Variants in SFMBT2 observed in about 807,000 individuals in gnomAD.
SFMBT2 encodes the protein Scm like with four mbt domains 2, also known as scm-like with four MBT domains protein 2.
Under a neutral mutation model 110.1 loss-of-function variants are expected in SFMBT2, and 38 were observed. That is an observed-to-expected ratio of 0.35 (90% CI 0.27 to 0.45). SFMBT2 has a LOEUF of 0.45. Ranked by LOEUF, SFMBT2 falls within the 20% of genes least tolerant of loss-of-function variation. The pLI is 1.00. For missense variants in SFMBT2, 1,011 were observed against 1,094.9 expected (o/e 0.92, Z 1.08); for synonymous variants, 425 against 425.4 (o/e 1.00, Z 0.01).
chr10:7,313,960 T>C (rs886425000), intron 4 of SFMBT2, among the ~76,000 whole-genome samples: 2 of 152,216 alleles, frequency 1.3e-5, no homozygotes, highest in African/African-American at 4.8e-5. Context: ...GAAGTGAGTT[T>C]GAAGGGGGGA....
At chr10:7,287,490 G>C (rs1487327873) in intron 4 of SFMBT2, 2 of 235,708 alleles carry the variant, frequency 8.5e-6, no homozygotes, top group Non-Finnish European at 1.4e-5. Flanking sequence ...CCAAGCTACA[G>C]ATCTTCAAAG....
Position 7,367,414 on chromosome 10 carries a change from T to G in SFMBT2, c.436+235A>C, listed in dbSNP as rs1295701359. 3.9e-5 allele frequency among the ~76,000 whole-genome samples: 6 copies of G among 152,120 alleles called. No individual in the cohort carries two copies. Among genetic ancestry groups the G allele is most frequent in the Non-Finnish European group, 5.9e-5 (4 of 68,028 alleles). ...AAAGGAATTTAAGGATTAGGCATACTTTCAGTTCCGAAAAGCCAAGTTTGG... is the reference window on the plus strand; with the variant it reads ...AAAGGAATTTAAGGATTAGGCATACGTTCAGTTCCGAAAAGCCAAGTTTGG... On this transcript the variant is annotated intron_variant, in intron 4 of 20. Transcript: ENST00000397167. This position sits in a 1 kb window ranked among gnomAD's most constrained non-coding sequence, Gnocchi z 6.2.
At chr10:7,233,482 AT>A (rs1840169168) in intron 9 of SFMBT2, among the ~76,000 whole-genome samples, 1 of 152,204 alleles carries the variant, frequency 6.6e-6, no homozygotes. Flanking sequence ...TGTTTACTCT[AT>A]TAAATGTTAG....
At chr10:7,249,143 A>T in intron 7 of SFMBT2, 1 of 832,574 alleles carries the variant, frequency 1.2e-6, no homozygotes, top group Non-Finnish European at 1.4e-6. Context: ...CACCGGCACG[A>T]GTAAGGGTAG....
intron 4 of SFMBT2, among the ~76,000 whole-genome samples, chr10:7,303,798 T>A (rs1171108495): frequency 6.6e-6 from 1 of 152,224 alleles, no homozygotes; most frequent in Non-Finnish European, 1.5e-5. Flanking sequence ...CATTTTAGAA[T>A]GATTTTGTAA....
intron 4 of SFMBT2, among the ~76,000 whole-genome samples, chr10:7,358,147 T>A (rs989683102): frequency 6.7e-6 from 1 of 148,644 alleles, no homozygotes; most frequent in Non-Finnish European, 1.5e-5. Flanking sequence ...GACATCAACA[T>A]GGCCCTGGAA....
At chr10:7,273,552 C>T (rs959352864) in intron 7 of SFMBT2, among the ~76,000 whole-genome samples, 18 of 152,180 alleles carry the variant, frequency 1.2e-4, no homozygotes, top group African/African-American at 1.2e-4. Flanking sequence ...TATACATGTG[C>T]CATGTTGGTG....
At chr10:7,386,661 T>C (rs1475620715) in intron 1 of SFMBT2, among the ~76,000 whole-genome samples, 2 of 152,172 alleles carry the variant, frequency 1.3e-5, no homozygotes, top group Admixed American at 6.5e-5. Context: ...TTAAAATGAA[T>C]GGACTTCTCA....
chr10:7,299,041 T>C (rs998359082), intron 4 of SFMBT2, among the ~76,000 whole-genome samples: 1 of 152,130 alleles, frequency 6.6e-6, no homozygotes, highest in Non-Finnish European at 1.5e-5. Context: ...CGAAACCCCA[T>C]CTCTACTACA....
rs1837520291 is a variant in SFMBT2, at chr10:7,160,404, A to C, written c.*3366T>G. On this transcript the variant is annotated 3_prime_UTR_variant, in exon 21 of 21. Transcript: ENST00000397167. Reference sequence around the variant, plus strand: ...ACTGAGCGATGGGCTGTCATGATTCAAGTTGAGGTGGCATCTCTTTCTCAG... The same window carrying C: ...ACTGAGCGATGGGCTGTCATGATTCCAGTTGAGGTGGCATCTCTTTCTCAG... 6.6e-6 allele frequency: 1 copy of C among 152,224 alleles called. No individual in the cohort carries two copies. Among genetic ancestry groups the C allele is most frequent in the East Asian group, 1.9e-4 (1 of 5,188 alleles). 9.4% of individuals were successfully genotyped at this position (152,224 alleles called of 1,614,324 possible). A position where few individuals can be genotyped will look rare whatever the true frequency, so the allele number is the denominator to read the frequency against.
At chr10:7,392,585 T>C (rs1409144320) in intron 1 of SFMBT2, among the ~76,000 whole-genome samples, 1 of 152,212 alleles carries the variant, frequency 6.6e-6, no homozygotes, top group Non-Finnish European at 1.5e-5. Flanking sequence ...TTCACTTCCT[T>C]CCCATATTTA....
At chr10:7,174,372 T>TG in intron 17 of SFMBT2, among the ~76,000 whole-genome samples, 1 of 152,220 alleles carries the variant, frequency 6.6e-6, no homozygotes, top group East Asian at 1.9e-4. Flanking sequence ...GGATGAGAAC[T>TG]GGTTTTAGGG....
intron 3 of SFMBT2, among the ~76,000 whole-genome samples, chr10:7,369,455 C>T (rs910225163): frequency 3.3e-5 from 5 of 152,172 alleles, no homozygotes; most frequent in East Asian, 1.9e-4. Flanking sequence ...TACACCAAAG[C>T]GAAAACCTGA....
intron 4 of SFMBT2, among the ~76,000 whole-genome samples, chr10:7,288,976 G>C (rs543853689): frequency 6.6e-6 from 1 of 150,694 alleles, no homozygotes; most frequent in African/African-American, 2.4e-5. Flanking sequence ...CTGGGCGACA[G>C]AGCGAGACAC....
chr10:7,302,044 ACAGAAAACTAC>A (rs1842570611), intron 4 of SFMBT2, among the ~76,000 whole-genome samples: 1 of 152,052 alleles, frequency 6.6e-6, no homozygotes, highest in Admixed American at 6.5e-5. Context: ...CCAGATAACA[ACAGAAAACTAC>A]CAGAAAACAA....
rs190228200 is a variant in SFMBT2 at position 7,375,609 on chromosome 10, A to G, written c.101-5234T>C. ...AAGCATCTGTGCAAACAACTCAGAA[A>G]GGAACCGTGGCCACCTGCCTAGAAT... On this transcript the variant is annotated intron_variant, in intron 2 of 20. Coordinates refer to ENST00000397167, the MANE Select transcript of SFMBT2 (RefSeq NM_001387889.1). Among the ~76,000 whole-genome samples, 35 of 152,332 alleles carry G rather than the reference A, an allele frequency of 2.3e-4. No individual in the cohort carries two copies. The East Asian group carries it at 5.8e-3, about 25-fold the overall frequency.
chr10:7,400,865 G>T (rs1350389909), intron 1 of SFMBT2, among the ~76,000 whole-genome samples: 1 of 152,190 alleles, frequency 6.6e-6, no homozygotes, highest in Non-Finnish European at 1.5e-5. Context: ...AGGCGCGGTG[G>T]TTCGCGCCTG....
chr10:7,189,215 A>C, intron 15 of SFMBT2: 1 of 982,994 alleles, frequency 1.0e-6, no homozygotes, highest in Non-Finnish European at 1.2e-6. Flanking sequence ...ATTGTGTGAA[A>C]CTCTCCTCTT....
intron 11 of SFMBT2, chr10:7,214,721 G>A (rs1839475684): frequency 1.0e-6 from 1 of 985,362 alleles, no homozygotes. Flanking sequence ...AAAACTTACT[G>A]TCCAAAGCTG....
Sources: gnomAD v4.1 joint callset for allele counts (sites outside exome capture counted in the v4.1 genomes callset) on GRCh38, gnomAD v4.1.1 for gene constraint, Gnocchi (gnomAD v3.1) non-coding constraint, MANE v1.5 for transcripts, NCBI Gene and HGNC (gene_info 2026-07-23, HGNC 2026-07-21) for gene names.